The following UMODL1 variants were observed in gnomAD, a reference collection of about 807,000 sequenced individuals.
UMODL1 encodes uromodulin-like 1.
A neutral mutation model predicts 136.3 loss-of-function variants in UMODL1; 128 were observed. The ratio of observed to expected loss-of-function variants is 0.94; its 90% CI spans 0.81 to 1.09. The LOEUF is 1.09. Among genes scored for constraint, UMODL1 ranks in the 50% least tolerant of loss-of-function variants. The probability of loss-of-function intolerance (pLI) is 0.00; values close to 1 mark genes in which losing one functional copy is unlikely to be tolerated. For missense variants in UMODL1, 1,766 were observed against 1,725.6 expected (o/e 1.02, Z -0.41); for synonymous variants, 721 against 720.0 (o/e 1.00, Z -0.02).
chr21:42,137,623 G>C lies in UMODL1; in HGVS notation c.*3G>C. On this transcript the variant is annotated 3_prime_UTR_variant, in exon 22 of 23. Coordinates refer to ENST00000408910, the MANE Select transcript of UMODL1 (RefSeq NM_001004416.3). ...GCTACCAGGTGTTCTACGAATAGGA[G>C]GCGCAGGCTGACAGGAAGGTGGGTG... The C allele has an allele frequency of 6.2e-7, 1 of 1,612,196 alleles. No individual in the cohort carries two copies.
In UMODL1 at chr21:42,084,119, G is replaced by C. The variant is rs528379334; in HGVS notation, c.355G>C (p.Gly119Arg). Reference protein sequence around the residue: ...NQSGQFTSRPGACPAEGPEPS... With the variant: ...NQSGQFTSRPRACPAEGPEPS... ...GTCCGGGCAGTTCACGTCAAGACCT[G>C]GGGCCTGCCCCGCAGAGGGGCCTGA... Residue 119 changes from glycine to arginine, a missense_variant, in exon 3 of 23, where the codon GGG (glycine) becomes CGG (arginine). Transcript: ENST00000408910. 3.1e-6 allele frequency: 5 copies of C among 1,613,064 alleles called. No individual in the cohort carries two copies. The highest frequency in any genetic ancestry group is 4.2e-6 in the Non-Finnish European group (5 of 1,179,144).
Position 42,109,909 on chromosome 21 carries a change from T to G in UMODL1, c.1657+210T>G, listed in dbSNP as rs112996526. Reference sequence around the variant, plus strand: ...ATATACATAAAACAATGAATCTAGCTTGGATTACACTCATCTCTATCTAAA... The same window carrying G: ...ATATACATAAAACAATGAATCTAGCGTGGATTACACTCATCTCTATCTAAA... On this transcript the variant is annotated intron_variant, in intron 10 of 22. Coordinates refer to ENST00000408910, the MANE Select transcript of UMODL1 (RefSeq NM_001004416.3). 6.7e-3 allele frequency among the ~76,000 whole-genome samples: 1,014 copies of G among 152,364 alleles called. 6 individuals carry two copies. The highest frequency in any genetic ancestry group is 0.01 in the Non-Finnish European group (706 of 68,034).
intron 1 of UMODL1, among the ~76,000 whole-genome samples, chr21:42,074,325 T>G (rs563121683): frequency 6.6e-6 from 1 of 152,346 alleles, no homozygotes; most frequent in East Asian, 1.9e-4. Context: ...TCATATTGTA[T>G]TAGGGCCCAC....
At chr21:42,098,021 C>T (rs140400882) in intron 6 of UMODL1, among the ~76,000 whole-genome samples, 5 of 152,324 alleles carry the variant, frequency 3.3e-5, no homozygotes, top group East Asian at 3.9e-4. Flanking sequence ...CAGAAGTTCT[C>T]GTGCAAATGA....
intron 22 of UMODL1, 88 bp downstream of exon 22, chr21:42,137,729 T>A (rs1601291036): frequency 7.9e-6 from 4 of 505,950 alleles, no homozygotes; most frequent in Admixed American, 3.0e-5. Context: ...GGAGGGTGGG[T>A]GCGGAGTGGG....
At chr21:42,119,347 C>A in intron 15 of UMODL1, 23 bp downstream of exon 15, 7 of 1,607,528 alleles carry the variant, frequency 4.4e-6, no homozygotes, top group Non-Finnish European at 5.1e-6. Flanking sequence ...GGGATGGAGC[C>A]TCTCCCGTGT....
chr21:42,080,124 C>T (rs1022434520), intron 2 of UMODL1, among the ~76,000 whole-genome samples: 14 of 152,328 alleles, frequency 9.2e-5, no homozygotes, highest in South Asian at 2.1e-4. Context: ...TTTGGCAGCG[C>T]GAACTTCTCC....
intron 2 of UMODL1, among the ~76,000 whole-genome samples, chr21:42,077,002 G>A (rs985655516): frequency 8.8e-6 from 1 of 113,170 alleles, no homozygotes; most frequent in African/African-American, 3.1e-5. Context: ...CCAGGGGAGG[G>A]GTGTGTGTGT....
intron 13 of UMODL1, among the ~76,000 whole-genome samples, chr21:42,115,031 G>A (rs1400001319): frequency 1.3e-5 from 2 of 152,210 alleles, no homozygotes; most frequent in Non-Finnish European, 2.9e-5. Context: ...TTTGGGGTTC[G>A]CCCAGGAATG....
intron 18 of UMODL1, 35 bp downstream of exon 18, chr21:42,126,525 C>T (rs370732290): frequency 1.6e-5 from 26 of 1,613,776 alleles, no homozygotes; most frequent in African/African-American, 8.0e-5. Context: ...CCCACAGCCA[C>T]GTGCCTCCAG....
In UMODL1 at chr21:42,123,544, G is replaced by C. The variant is rs2067009011; in HGVS notation, c.3147+394G>C. On this transcript the variant is annotated intron_variant, in intron 17 of 22. Coordinates refer to ENST00000408910, the MANE Select transcript of UMODL1 (RefSeq NM_001004416.3). This position sits in a 1 kb window ranked among gnomAD's most constrained non-coding sequence, Gnocchi z 4.4. ...GTGTCTGAATATGTCTGTGTATGTG[G>C]GGGTGTGCATGTGTGTGAATGTGTG... Among the ~76,000 whole-genome samples, 1 of 151,848 alleles carries C rather than the reference G, an allele frequency of 6.6e-6. No individual in the cohort carries two copies. The highest frequency in any genetic ancestry group is 1.5e-5 in the Non-Finnish European group (1 of 67,944).
In UMODL1 at chr21:42,124,522, C is replaced by T. The variant is rs190696248; in HGVS notation, c.3147+1372C>T. Among the ~76,000 whole-genome samples the T allele has an allele frequency of 3.9e-5, 6 of 152,156 alleles. No homozygotes were observed. In the East Asian group the frequency reaches 9.7e-4, roughly 25 times the overall value. On this transcript the variant is annotated intron_variant, in intron 17 of 22. Coordinates refer to ENST00000408910, the MANE Select transcript of UMODL1 (RefSeq NM_001004416.3). ...ACCATGGCGGAGTTAAGAGTCTGTCCGAGTGGTTCTGGTCAGGTGGGCAGG... is the reference window on the plus strand; with the variant it reads ...ACCATGGCGGAGTTAAGAGTCTGTCTGAGTGGTTCTGGTCAGGTGGGCAGG...
intron 6 of UMODL1, among the ~76,000 whole-genome samples, chr21:42,095,624 G>A (rs1185311359): frequency 6.6e-6 from 1 of 152,192 alleles, no homozygotes. Flanking sequence ...TAAGGTCACA[G>A]TCGTAGGTTG....
intron 21 of UMODL1, among the ~76,000 whole-genome samples, chr21:42,132,464 C>T (rs2067147024): frequency 6.6e-6 from 1 of 151,832 alleles, no homozygotes; most frequent in Admixed American, 6.6e-5. Flanking sequence ...ATCTATCCAC[C>T]ATCATCCATC....
At chr21:42,086,472 T>C (rs1601191949) in intron 4 of UMODL1, 1 of 453,640 alleles carries the variant, frequency 2.2e-6, no homozygotes, top group African/African-American at 2.0e-5. Context: ...GCTAGACAGG[T>C]AGTCTGCAGC....
At chr21:42,116,616 G>GT (rs34717803) in intron 14 of UMODL1, among the ~76,000 whole-genome samples, 2,725 of 145,566 alleles carry the variant, frequency 0.019, 73 homozygotes, top group African/African-American at 0.06. Flanking sequence ...TCCCTCCACG[G>GT]TTTTTTTTTT....
Position 42,086,952 on chromosome 21 carries a change from C to T in UMODL1, c.604-1342C>T, listed in dbSNP as rs147871799. On this transcript the variant is annotated intron_variant, in intron 4 of 22. Coordinates refer to ENST00000408910, the MANE Select transcript of UMODL1 (RefSeq NM_001004416.3). ...CTGCACTCCAGCCTGGGCTACAGAG[C>T]GAGACTCTTGTCTCTAAATAAATAA... is the stretch of plus-strand genomic sequence containing the variant. Among the ~76,000 whole-genome samples the T allele has an allele frequency of 3.6e-3, 513 of 142,584 alleles. 1 individual carries two copies. The highest frequency in any genetic ancestry group is 0.013 in the African/African-American group (487 of 38,172). 93.5% of individuals were successfully genotyped at this position (142,584 alleles called of 152,430 possible).
intron 13 of UMODL1, among the ~76,000 whole-genome samples, chr21:42,114,741 C>T (rs1569166000): frequency 6.6e-6 from 1 of 152,234 alleles, no homozygotes; most frequent in African/African-American, 2.4e-5. Context: ...TGTGCACGTT[C>T]ACGAGCAGCT....
intron 6 of UMODL1, chr21:42,093,916 C>T: frequency 2.2e-6 from 1 of 456,774 alleles, no homozygotes; most frequent in South Asian, 1.5e-5. Context: ...ACGTCCACAT[C>T]CCACGGCACC....
Sources: gnomAD v4.1 joint callset for allele counts (sites outside exome capture counted in the v4.1 genomes callset) on GRCh38, gnomAD v4.1.1 for gene constraint, Gnocchi (gnomAD v3.1) non-coding constraint, MANE v1.5 for transcripts, NCBI Gene and HGNC (gene_info 2026-07-23, HGNC 2026-07-21) for gene names.